GDAP1: variants seen among roughly 807,000 people sequenced by gnomAD.
GDAP1 encodes ganglioside induced differentiation associated protein 1.
A neutral mutation model predicts 40.1 loss-of-function variants in GDAP1; 34 were observed. The ratio of observed to expected loss-of-function variants is 0.85; its 90% CI spans 0.64 to 1.13. GDAP1 has a LOEUF of 1.13. GDAP1 is among the 50% of genes most tolerant of loss of function. The pLI, the probability that GDAP1 is intolerant of heterozygous loss-of-function variation, is 0.00. For missense variants in GDAP1, 374 were observed against 433.7 expected, an observed-to-expected ratio of 0.86 and a Z score of 1.22; for synonymous variants, 170 against 157.4, an observed-to-expected ratio of 1.08 and a Z score of -0.60.
chr8:74,401,801 G>C (rs1810346412), intron 2 of GDAP1, among the ~76,000 whole-genome samples: 1 of 150,054 alleles, frequency 6.7e-6, no homozygotes, highest in Non-Finnish European at 1.5e-5. Context: ...AGGTCTGTTG[G>C]AGTTTGCTAG....
rs1263717548 is a variant in GDAP1, at chr8:74,453,815, C to T, written c.166-34863C>T. ...TTGTTTTTAAAACTTGAAGAAGCCCCGTGCCCAGTAACAACTTTACCCCTG... is the reference window on the plus strand; with the variant it reads ...TTGTTTTTAAAACTTGAAGAAGCCCTGTGCCCAGTAACAACTTTACCCCTG... On this transcript the variant is annotated intron_variant, in intron 2 of 2. Coordinates refer to the GDAP1 transcript ENST00000523640. 6.1e-5 allele frequency among the ~76,000 whole-genome samples: 5 copies of T among 81,740 alleles called. 2 individuals are homozygous for T. The highest frequency in any genetic ancestry group is 2.2e-4 in the African/African-American group (4 of 18,558). The allele number at this position is 81,740 out of a possible 152,430, so 53.6% of individuals were successfully genotyped here. A position where few individuals can be genotyped will look rare whatever the true frequency, so the allele number is the denominator to read the frequency against.
intron 2 of GDAP1, among the ~76,000 whole-genome samples, chr8:74,390,628 G>A (rs1810093743): frequency 6.6e-6 from 1 of 152,198 alleles, no homozygotes; most frequent in Non-Finnish European, 1.5e-5. Flanking sequence ...GACCCTTGCT[G>A]GGAGGTGTCT....
intron 2 of GDAP1, among the ~76,000 whole-genome samples, chr8:74,376,347 C>CTTT (rs374478811): frequency 3.4e-4 from 43 of 126,986 alleles, no homozygotes; most frequent in South Asian, 5.1e-4. Context: ...TTAGAGGGAT[C>CTTT]TTTTTTTTTT....
chr8:74,364,737 T>C lies in GDAP1; in HGVS notation c.*370T>C, dbSNP rs1311768300. 4 of 463,212 alleles carry C rather than the reference T, an allele frequency of 8.6e-6. No homozygotes were observed. The highest frequency in any genetic ancestry group is 1.3e-5 in the Non-Finnish European group (3 of 233,176). 28.7% of individuals were successfully genotyped at this position (463,212 alleles called of 1,614,324 possible). A position where few individuals can be genotyped will look rare whatever the true frequency, so the allele number is the denominator to read the frequency against. On this transcript the variant is annotated 3_prime_UTR_variant, in exon 6 of 6. Coordinates refer to ENST00000220822, the MANE Select transcript of GDAP1 (RefSeq NM_018972.4). ...TGGCTACTGCCCACACATACACTTC[T>C]GTAATTGAGAACTCTTAGGAGAGGA...
downstream of GDAP1, among the ~76,000 whole-genome samples, chr8:74,371,132 CTG>C (rs1809741510): frequency 6.6e-6 from 1 of 152,188 alleles, no homozygotes; most frequent in South Asian, 2.1e-4. Flanking sequence ...TACTCAAAAA[CTG>C]TGGAATAAAC....
intron 2 of GDAP1, among the ~76,000 whole-genome samples, chr8:74,455,947 A>C (rs1485081459): frequency 1.3e-5 from 2 of 151,986 alleles, no homozygotes; most frequent in East Asian, 3.8e-4. Flanking sequence ...AGTGATTATA[A>C]ATGAGAAAGA....
chr8:74,420,799 C>T (rs1805847187), intron 2 of GDAP1, among the ~76,000 whole-genome samples: 1 of 146,334 alleles, frequency 6.8e-6, no homozygotes, highest in African/African-American at 2.4e-5. Context: ...CTGTGGTATA[C>T]TGATTCCTGT....
intron 2 of GDAP1, among the ~76,000 whole-genome samples, chr8:74,406,282 C>A (rs1586824737): frequency 6.7e-6 from 1 of 150,132 alleles, no homozygotes; most frequent in South Asian, 2.1e-4. Flanking sequence ...ATTTGTGGTT[C>A]AAATTAAAGT....
chr8:74,478,751 C>T (rs1806668528), intron 2 of GDAP1, among the ~76,000 whole-genome samples: 2 of 152,200 alleles, frequency 1.3e-5, no homozygotes, highest in African/African-American at 4.8e-5. Flanking sequence ...AGTTCTGCCC[C>T]TACCACTTGT....
intron 2 of GDAP1, among the ~76,000 whole-genome samples, chr8:74,431,375 G>T (rs1209869080): frequency 2.0e-5 from 3 of 152,134 alleles, no homozygotes; most frequent in Non-Finnish European, 4.4e-5. Flanking sequence ...ACGGAGGAGG[G>T]TTTAGTCTGG....
In GDAP1 at chr8:74,366,847, T is replaced by C. The variant is rs1323067682; in HGVS notation, c.*2480T>C. 1 of 439,614 alleles carries C rather than the reference T, an allele frequency of 2.3e-6. No homozygotes were observed. Among genetic ancestry groups the C allele is most frequent in the Non-Finnish European group, 4.5e-6 (1 of 222,354 alleles). 27.2% of individuals were successfully genotyped at this position (439,614 alleles called of 1,614,324 possible). A position where few individuals can be genotyped will look rare whatever the true frequency, so the allele number is the denominator to read the frequency against. The stretch of plus-strand genomic sequence containing the variant: ...TATTCTGTAAGATCAATAAAAGTAA[T>C]TGGAAAATAAATATGAACCCTAAAA... On this transcript the variant is annotated 3_prime_UTR_variant, in exon 6 of 6. Transcript: ENST00000220822.
rs750658208 is a variant in GDAP1, at chr8:74,388,162, GTCTC to G, written c.165+36852_165+36855del. Among the ~76,000 whole-genome samples, 209 of 151,524 alleles carry G rather than the reference GTCTC, an allele frequency of 1.4e-3. 6 individuals carry two copies. The East Asian group carries it at 0.037, about 27-fold the overall frequency. ...ATTGATTCTTTGAAGGGTTTTTCGT[GTCTC>G]TCTCTCTCTCATTCAGTTCTGCTCT... On this transcript the variant is annotated intron_variant, in intron 2 of 2. Transcript: ENST00000523640.
chr8:74,421,307 T>A (rs1805854807), intron 2 of GDAP1, among the ~76,000 whole-genome samples: 1 of 152,196 alleles, frequency 6.6e-6, no homozygotes. Flanking sequence ...AACAAAACAT[T>A]TCTTTTTGTA....
intron 5 of GDAP1, among the ~76,000 whole-genome samples, chr8:74,363,622 T>G (rs1809478140): frequency 6.6e-6 from 1 of 152,226 alleles, no homozygotes; most frequent in Admixed American, 6.5e-5. Context: ...GCTTTATGGA[T>G]TTTTCTAAAG....
In GDAP1 at chr8:74,413,719, T is replaced by C. The variant is rs1354523599; in HGVS notation, c.165+62398T>C. On this transcript the variant is annotated intron_variant, in intron 2 of 2. Coordinates refer to the GDAP1 transcript ENST00000523640. ...AGTGGGTGGAATAAACTCCTAAGCT[T>C]TTTTTTTTTTTTTTCCTCATTGTGT... Among the ~76,000 whole-genome samples the C allele has an allele frequency of 1.3e-3, 168 of 130,760 alleles. 20 individuals are homozygous for C. Among genetic ancestry groups the C allele is most frequent in the African/African-American group, 6.2e-3 (160 of 25,688 alleles). The allele number at this position is 130,760 out of a possible 152,430, so 85.8% of individuals were successfully genotyped here.
intron 2 of GDAP1, among the ~76,000 whole-genome samples, chr8:74,476,891 C>T (rs1586847246): frequency 6.6e-6 from 1 of 151,912 alleles, no homozygotes; most frequent in East Asian, 1.9e-4. Flanking sequence ...CAAATTGCAT[C>T]CATTCTCCTC....
chr8:74,419,384 G>C (rs6472848), intron 2 of GDAP1, among the ~76,000 whole-genome samples: 69,722 of 152,032 alleles, frequency 0.46, 17,347 homozygotes, highest in African/African-American at 0.67. Flanking sequence ...CTTGGAGGAA[G>C]CTCAAAGGCA....
chr8:74,407,015 T>C (rs1805649412), intron 2 of GDAP1, among the ~76,000 whole-genome samples: 1 of 149,972 alleles, frequency 6.7e-6, no homozygotes, highest in Non-Finnish European at 1.5e-5. Context: ...TCTGCTGACA[T>C]AATTCTTCAT....
chr8:74,352,641 G>A (rs1451102599), intron 2 of GDAP1, among the ~76,000 whole-genome samples: 10 of 152,208 alleles, frequency 6.6e-5, no homozygotes, highest in African/African-American at 2.4e-4. Context: ...TTTAATTAAA[G>A]GTAGCTTTAG....
Sources: gnomAD v4.1 joint callset for allele counts (sites outside exome capture counted in the v4.1 genomes callset) on GRCh38, gnomAD v4.1.1 for gene constraint, MANE v1.5 for transcripts, NCBI Gene and HGNC (gene_info 2026-07-23, HGNC 2026-07-21) for gene names.